The following ABTB3 variants were observed in gnomAD, a reference collection of about 807,000 sequenced individuals.
The protein encoded by ABTB3 is ankyrin repeat- and BTB/POZ domain-containing protein 3.
chr12:107,333,892 A>G, the ABTB3 span, among the ~76,000 whole-genome samples: 2 of 152,320 alleles, frequency 1.3e-5, no homozygotes, highest in East Asian at 3.9e-4. Context: ...TTGCAATGAT[A>G]ACATGGTCAG....
At chr12:107,378,444 A>G in the ABTB3 span, among the ~76,000 whole-genome samples, 1 of 152,200 alleles carries the variant, frequency 6.6e-6, no homozygotes, top group Non-Finnish European at 1.5e-5. Context: ...TAACAACTCT[A>G]TAAGGCAGAT....
the ABTB3 span, chr12:107,544,124 A>G: frequency 5.6e-6 from 9 of 1,613,606 alleles, no homozygotes; most frequent in Admixed American, 8.3e-5. Context: ...TCCAAAGTCA[A>G]CCTCCAGGTG....
At chr12:107,442,865 G>A in the ABTB3 span, among the ~76,000 whole-genome samples, 2 of 152,176 alleles carry the variant, frequency 1.3e-5, no homozygotes, top group African/African-American at 4.8e-5. Flanking sequence ...AGCATAAACT[G>A]GGTGGCTTAG....
chr12:107,490,527 T>A, the ABTB3 span, among the ~76,000 whole-genome samples: 5 of 152,142 alleles, frequency 3.3e-5, no homozygotes, highest in African/African-American at 1.2e-4. Flanking sequence ...TGTGGATATT[T>A]ACCAGGTGAG....
the ABTB3 span, among the ~76,000 whole-genome samples, chr12:107,355,037 C>T: frequency 6.6e-6 from 1 of 152,216 alleles, no homozygotes; most frequent in Non-Finnish European, 1.5e-5. Context: ...TGTGCTACCC[C>T]AGGAGTGCCT....
the ABTB3 span, among the ~76,000 whole-genome samples, chr12:107,634,009 G>A: frequency 9.2e-5 from 14 of 152,188 alleles, no homozygotes; most frequent in Non-Finnish European, 1.3e-4. Context: ...GGGGAGCACC[G>A]AATGCCCTTT....
At chr12:107,566,213 C>T in the ABTB3 span, among the ~76,000 whole-genome samples, 2 of 151,872 alleles carry the variant, frequency 1.3e-5, no homozygotes, top group African/African-American at 4.8e-5. Flanking sequence ...CTTTTCTTTC[C>T]TTCCTTTCTC....
the ABTB3 span, among the ~76,000 whole-genome samples, chr12:107,394,108 A>G: frequency 6.6e-6 from 1 of 152,178 alleles, no homozygotes; most frequent in Non-Finnish European, 1.5e-5. Flanking sequence ...TTCCACATGG[A>G]TGCTTCCTGA....
At chr12:107,635,356 C>G in the ABTB3 span, 2 of 1,613,770 alleles carry the variant, frequency 1.2e-6, no homozygotes, top group Non-Finnish European at 1.7e-6. Flanking sequence ...TCCCCAAGCT[C>G]ACAGAAATCA....
the ABTB3 span, among the ~76,000 whole-genome samples, chr12:107,464,978 C>A: frequency 1.5e-3 from 228 of 150,850 alleles, no homozygotes; most frequent in African/African-American, 5.1e-3. Flanking sequence ...ACACACACAC[C>A]CCAGAGAATT....
At chr12:107,401,914 GTTTT>G in the ABTB3 span, among the ~76,000 whole-genome samples, 1 of 130,900 alleles carries the variant, frequency 7.6e-6, no homozygotes, top group Non-Finnish European at 1.6e-5. Context: ...ACCGCTTAGG[GTTTT>G]TTTTTTTTTT....
At chr12:107,349,185 C>A in the ABTB3 span, among the ~76,000 whole-genome samples, 1 of 152,210 alleles carries the variant, frequency 6.6e-6, no homozygotes, top group African/African-American at 2.4e-5. Context: ...TCAGGATGAG[C>A]AGCCTGTTCT....
chr12:107,446,114 T>C, the ABTB3 span, among the ~76,000 whole-genome samples: 1 of 152,140 alleles, frequency 6.6e-6, no homozygotes, highest in Non-Finnish European at 1.5e-5. Flanking sequence ...GGGGCCCTTA[T>C]TCTGTCTACT....
the ABTB3 span, among the ~76,000 whole-genome samples, chr12:107,376,574 G>A: frequency 3.3e-5 from 5 of 151,972 alleles, no homozygotes; most frequent in African/African-American, 1.2e-4. Flanking sequence ...AGATTCTCAG[G>A]CCCCTTGCAG....
the ABTB3 span, chr12:107,520,418 CCT>C: frequency 6.4e-7 from 1 of 1,561,668 alleles, no homozygotes; most frequent in Non-Finnish European, 8.7e-7. Context: ...GATGTTGCAC[CCT>C]TCCCTCGGTT....
the ABTB3 span, among the ~76,000 whole-genome samples, chr12:107,459,708 G>T: frequency 6.6e-6 from 1 of 152,236 alleles, no homozygotes; most frequent in Admixed American, 6.5e-5. Context: ...TAGCTCCTCA[G>T]CCATTTATTA....
chr12:107,405,817 A>T, the ABTB3 span, among the ~76,000 whole-genome samples: 1 of 152,218 alleles, frequency 6.6e-6, no homozygotes, highest in Non-Finnish European at 1.5e-5. Flanking sequence ...TCTGCATGAA[A>T]GAGGGATTGA....
At chr12:107,587,090 T>C in the ABTB3 span, among the ~76,000 whole-genome samples, 4 of 152,068 alleles carry the variant, frequency 2.6e-5, no homozygotes, top group East Asian at 3.9e-4. Context: ...AGAGAGAGCA[T>C]AGGGCTCAAT....
At chr12:107,469,538 C>T in the ABTB3 span, among the ~76,000 whole-genome samples, 2 of 152,288 alleles carry the variant, frequency 1.3e-5, no homozygotes, top group African/African-American at 4.8e-5. Flanking sequence ...TAGGACAGTG[C>T]CCGTCATGTA....
Sources: allele counts gnomAD v4.1 joint callset (sites outside exome capture counted in the v4.1 genomes callset), GRCh38; gene constraint gnomAD v4.1.1; transcripts MANE v1.5; gene names NCBI Gene and HGNC (gene_info 2026-07-23, HGNC 2026-07-21).